Variants in PDXDC1 observed in about 807,000 individuals in gnomAD.
PDXDC1 encodes the protein pyridoxal dependent decarboxylase domain containing 1.
In PDXDC1, 42 loss-of-function variants were observed where a neutral mutation model predicts 100.1. The ratio of observed to expected loss-of-function variants is 0.42; its 90% CI spans 0.33 to 0.54. PDXDC1 has a LOEUF of 0.54. Among genes scored for constraint, PDXDC1 ranks in the 20% least tolerant of loss-of-function variants. PDXDC1 has a pLI of 0.10. For synonymous variants in PDXDC1, 260 were observed against 371.7 expected (o/e 0.70, Z 3.46); for missense variants, 636 against 979.2 (o/e 0.65, Z 4.68).
chr16:15,036,635 GC>G lies in PDXDC1; in HGVS notation c.*361del. ...CCCGTGGCAACTTTTTGGTAAAACA[GC>G]TTTTCATTAGCACTCTCCAGGTTCT... On this transcript the variant is annotated 3_prime_UTR_variant, in exon 23 of 23. Transcript: ENST00000396410. The G allele has an allele frequency of 3.7e-6, 1 of 269,478 alleles. No individual in the cohort carries two copies. The highest frequency in any genetic ancestry group is 7.1e-6 in the Non-Finnish European group (1 of 141,240). 16.7% of individuals were successfully genotyped at this position (269,478 alleles called of 1,614,324 possible).
downstream of PDXDC1, among the ~76,000 whole-genome samples, chr16:15,143,948 G>A (rs922099288): frequency 6.6e-6 from 1 of 152,176 alleles, no homozygotes; most frequent in Admixed American, 6.5e-5. Flanking sequence ...CCCTGCCCGC[G>A]CTGGCCGCCT....
At chr16:14,989,868 A>C (rs1199384057) in intron 1 of PDXDC1, 1 of 1,545,378 alleles carries the variant, frequency 6.5e-7, no homozygotes, top group African/African-American at 1.4e-5. Context: ...GTCCAGGGCC[A>C]GGAAGCCGTT....
the PDXDC1 span, among the ~76,000 whole-genome samples, chr16:15,144,669 G>A: frequency 4.6e-5 from 7 of 152,176 alleles, no homozygotes; most frequent in African/African-American, 1.4e-4. Context: ...AGGATGAGAC[G>A]CCGGGGGTGA....
rs766799009 is a variant in PDXDC1 at position 15,128,229 on chromosome 16, G to C, written c.1400-10650G>C. 8 of 1,611,166 alleles carry C rather than the reference G, an allele frequency of 5.0e-6. No homozygotes were observed. The East Asian group carries it at 6.7e-5, about 13-fold the overall frequency. ...GGCAGGGTCCGCACAGACCTTTGTCGTGCCACACTCGGATCTTCCACACGC... is the reference window on the plus strand; with the variant it reads ...GGCAGGGTCCGCACAGACCTTTGTCCTGCCACACTCGGATCTTCCACACGC... On this transcript the variant is annotated intron_variant, in intron 16 of 16. Transcript: ENST00000535621.
chr16:15,047,662 G>C (rs2044130559), intron 16 of PDXDC1: 1 of 953,608 alleles, frequency 1.0e-6, no homozygotes, highest in Admixed American at 1.8e-5. Flanking sequence ...TCCTGTAGGG[G>C]AAAAACGGAC....
At chr16:15,109,211 C>G (rs2046926000) in intron 16 of PDXDC1, 1 of 149,080 alleles carries the variant, frequency 6.7e-6, no homozygotes, top group Non-Finnish European at 1.5e-5. Flanking sequence ...ACATGAAAGA[C>G]TGTGAAAATG....
downstream of PDXDC1, among the ~76,000 whole-genome samples, chr16:15,143,280 C>T (rs576183066): frequency 6.6e-6 from 1 of 152,242 alleles, no homozygotes; most frequent in Non-Finnish European, 1.5e-5. Flanking sequence ...GTCTTCACCC[C>T]TTCCCAGCAC....
intron 16 of PDXDC1, chr16:15,125,745 C>T (rs1446317420): frequency 2.0e-6 from 3 of 1,497,746 alleles, no homozygotes; most frequent in Non-Finnish European, 9.2e-7. Context: ...CGGACGAGTC[C>T]AGGCAGCTGT....
chr16:15,087,570 G>A (rs1369561533), intron 16 of PDXDC1, among the ~76,000 whole-genome samples: 1 of 152,142 alleles, frequency 6.6e-6, no homozygotes, highest in Non-Finnish European at 1.5e-5. Flanking sequence ...AACTCCCACA[G>A]ATCAACCATT....
At chr16:14,982,929 G>T (rs1488394120) in intron 1 of PDXDC1, among the ~76,000 whole-genome samples, 2 of 152,258 alleles carry the variant, frequency 1.3e-5, no homozygotes, top group African/African-American at 4.8e-5. Flanking sequence ...GAAAGCTGTG[G>T]GAGGCAAGAG....
chr16:15,044,001 A>T (rs2043942720), intron 16 of PDXDC1, among the ~76,000 whole-genome samples: 1 of 152,202 alleles, frequency 6.6e-6, no homozygotes, highest in Non-Finnish European at 1.5e-5. Flanking sequence ...TGGTATCATC[A>T]GTGTTTTAAT....
chr16:14,984,495 A>ATTTTTT (rs1159521017), intron 1 of PDXDC1, among the ~76,000 whole-genome samples: 8 of 73,476 alleles, frequency 1.1e-4, no homozygotes, highest in African/African-American at 3.0e-4. Context: ...ATATATATAT[A>ATTTTTT]TTTTTTTTTT....
chr16:15,135,970 C>G, intron 16 of PDXDC1: 2 of 1,574,052 alleles, frequency 1.3e-6, no homozygotes, highest in South Asian at 1.1e-5. Context: ...CCGGGCACCC[C>G]GGCTGGTGGG....
chr16:15,092,703 G>A (rs1013016261), intron 16 of PDXDC1: 1 of 896,460 alleles, frequency 1.1e-6, no homozygotes. Context: ...ATAATTCAGT[G>A]GAACTATTGT....
chr16:15,087,854 T>C (rs964430839), intron 16 of PDXDC1, among the ~76,000 whole-genome samples: 7 of 152,062 alleles, frequency 4.6e-5, no homozygotes, highest in Non-Finnish European at 8.8e-5. Flanking sequence ...GTAGCTCATG[T>C]CTGTAATCCC....
chr16:15,089,811 A>AAAC (rs1555463212), intron 16 of PDXDC1, among the ~76,000 whole-genome samples: 1 of 132,882 alleles, frequency 7.5e-6, no homozygotes, highest in Admixed American at 7.8e-5. Context: ...AAAAAAAAAA[A>AAAC]CAGATTAAAG....
chr16:15,049,249 A>C (rs2044204369), intron 16 of PDXDC1, among the ~76,000 whole-genome samples: 1 of 152,002 alleles, frequency 6.6e-6, no homozygotes, highest in Non-Finnish European at 1.5e-5. Context: ...GGCTGGTCTC[A>C]AACTCTTGGA....
intron 16 of PDXDC1, among the ~76,000 whole-genome samples, chr16:15,111,093 A>T (rs1018463627): frequency 6.8e-6 from 1 of 146,514 alleles, no homozygotes; most frequent in Non-Finnish European, 1.5e-5. Context: ...ACACCACTGC[A>T]CTCCAGCCTG....
chr16:15,032,139 T>C (rs2043105571), intron 17 of PDXDC1: 1 of 558,780 alleles, frequency 1.8e-6, no homozygotes, highest in Admixed American at 3.0e-5. Context: ...AGGTGCCGAC[T>C]CTCAGCTACC....
Sources: gnomAD v4.1 joint callset for allele counts (sites outside exome capture counted in the v4.1 genomes callset) on GRCh38, gnomAD v4.1.1 for gene constraint, MANE v1.5 for transcripts, NCBI Gene and HGNC (gene_info 2026-07-23, HGNC 2026-07-21) for gene names.